SRRM3: variants seen among roughly 807,000 people sequenced by gnomAD.
SRRM3 encodes the protein serine/arginine repetitive matrix 3.
Under a neutral mutation model 66.2 loss-of-function variants are expected in SRRM3, and 27 were observed. That is an observed-to-expected ratio of 0.41 (90% CI 0.30 to 0.56). The LOEUF is 0.56. Ranked by LOEUF, SRRM3 falls within the 20% of genes least tolerant of loss-of-function variation. SRRM3 has a pLI of 0.32. For synonymous variants in SRRM3, 391 were observed against 414.9 expected (o/e 0.94, Z 0.70); for missense variants, 918 against 991.9 (o/e 0.93, Z 1.00).
intron 11 of SRRM3, 75 bp downstream of exon 11, chr7:76,267,510 G>A: frequency 8.6e-7 from 1 of 1,159,716 alleles, no homozygotes; most frequent in Non-Finnish European, 1.1e-6. Flanking sequence ...GTCGCCAGCG[G>A]GGCAGGGGGC....
intron 1 of SRRM3, 29 bp from the exon 2 acceptor site, chr7:76,234,999 C>A: frequency 7.4e-7 from 1 of 1,345,912 alleles, no homozygotes; most frequent in East Asian, 2.6e-5. Flanking sequence ...AAGTGACCAT[C>A]CCGCCTCGTG....
chr7:76,234,084 CT>C (rs1801080415), intron 1 of SRRM3, among the ~76,000 whole-genome samples: 2 of 151,758 alleles, frequency 1.3e-5, no homozygotes, highest in South Asian at 2.1e-4. Flanking sequence ...TCCCACCCCA[CT>C]CCCTGGGAAT....
chr7:76,253,281 G>A (rs1452552165), intron 3 of SRRM3, among the ~76,000 whole-genome samples: 3 of 152,138 alleles, frequency 2.0e-5, no homozygotes, highest in African/African-American at 7.2e-5. Flanking sequence ...GAGTTTGGGA[G>A]TTTGAGACCA....
At chr7:76,271,817 G>C (rs1042560758) in intron 11 of SRRM3, among the ~76,000 whole-genome samples, 2 of 152,198 alleles carry the variant, frequency 1.3e-5, no homozygotes, top group Non-Finnish European at 2.9e-5. Context: ...TCCCCCATCA[G>C]ACCCATCCAG....
rs1802639409 is a variant in SRRM3, at chr7:76,285,487, T to C, written c.1734-128T>C. On this transcript the variant is annotated intron_variant, in intron 14 of 14. Transcript: ENST00000611745. This position sits in a 1 kb window ranked among gnomAD's most constrained non-coding sequence, Gnocchi z 4.1. Reference sequence around the variant, plus strand: ...TGCAAGTAACCAATGACCGTCAGATTCCATTTGGAGAAGGCAGGTGTCTCT... The same window carrying C: ...TGCAAGTAACCAATGACCGTCAGATCCCATTTGGAGAAGGCAGGTGTCTCT... 8 of 696,820 alleles carry C rather than the reference T, an allele frequency of 1.1e-5. No homozygotes were observed. Among genetic ancestry groups the C allele is most frequent in the Non-Finnish European group, 1.9e-5 (8 of 413,724 alleles). 43.2% of individuals were successfully genotyped at this position (696,820 alleles called of 1,614,324 possible).
At chr7:76,265,847 TATATATATATA>T (rs1189814815) in intron 10 of SRRM3, among the ~76,000 whole-genome samples, 1 of 8,462 alleles carries the variant, frequency 1.2e-4, no homozygotes, top group Non-Finnish European at 1.7e-4. Context: ...TATATATATA[TATATATATATA>T]TTTTTTTTTT....
chr7:76,261,659 G>T, intron 8 of SRRM3, 78 bp downstream of exon 8: 1 of 1,480,920 alleles, frequency 6.8e-7, no homozygotes, highest in Non-Finnish European at 9.2e-7. Context: ...ATGGGAGGGG[G>T]TTTTGAGGGT....
intron 11 of SRRM3, among the ~76,000 whole-genome samples, chr7:76,281,208 C>T (rs1802491076): frequency 6.6e-6 from 1 of 151,118 alleles, no homozygotes; most frequent in African/African-American, 2.4e-5. Context: ...TGTCTCTCTT[C>T]ATTCTCTCTC....
chr7:76,227,519 G>C (rs1800904917), intron 1 of SRRM3, among the ~76,000 whole-genome samples: 1 of 152,156 alleles, frequency 6.6e-6, no homozygotes, highest in Non-Finnish European at 1.5e-5. Context: ...TTGAATCCTG[G>C]TTGTCCTCAC....
In SRRM3 at chr7:76,285,626, G is replaced by C; in HGVS notation, c.1745G>C (p.Arg582Pro). The C allele has an allele frequency of 6.5e-7, 1 of 1,550,380 alleles. No homozygotes were observed. Among genetic ancestry groups the C allele is most frequent in the Non-Finnish European group, 8.7e-7 (1 of 1,146,838 alleles). Reference protein sequence around the residue: ...EPRRITSARKRPIPYYRPSPS... With the variant: ...EPRRITSARKPPIPYYRPSPS... Reference sequence around the variant, plus strand: ...TTTCTTCCCGGCAGCGCCCGCAAGCGTCCTATTCCATACTACCGGCCCAGC... The same window carrying C: ...TTTCTTCCCGGCAGCGCCCGCAAGCCTCCTATTCCATACTACCGGCCCAGC... Residue 582 changes from arginine to proline, a missense_variant, in exon 15 of 15, where the codon CGT becomes CCT. Coordinates refer to ENST00000611745, the MANE Select transcript of SRRM3 (RefSeq NM_001110199.3). The surrounding 1 kb of genome is among the most constrained non-coding windows in gnomAD (Gnocchi z 4.1).
At chr7:76,219,225 C>T (rs934236312) in intron 1 of SRRM3, among the ~76,000 whole-genome samples, 9 of 152,206 alleles carry the variant, frequency 5.9e-5, no homozygotes, top group Middle Eastern at 3.2e-3. Context: ...AGTGTCCCCA[C>T]TGTCCTCTGT....
chr7:76,204,786 T>A (rs906954935), intron 1 of SRRM3, among the ~76,000 whole-genome samples: 1 of 151,840 alleles, frequency 6.6e-6, no homozygotes, highest in East Asian at 1.9e-4. Flanking sequence ...AATGATGGGG[T>A]TTAATGCCAG....
In SRRM3 at chr7:76,248,272, C is replaced by G; in HGVS notation, c.318C>G (p.Asp106Glu). The G allele has an allele frequency of 6.2e-7, 1 of 1,613,546 alleles. No homozygotes were observed. Among genetic ancestry groups the G allele is most frequent in the African/African-American group, 1.3e-5 (1 of 74,998 alleles). ...AGGAGGGAGTGCTCACCAGGGAGGA[C>G]CGGCCTGGGGGCCACATGTGAGTGC... ...MEKEGVLTRE[D>E]RPGGHIVAET... Residue 106 changes from aspartate (D) to glutamate (E), a missense_variant, in exon 3 of 15, where the codon GAC (aspartate) becomes GAG (glutamate). Coordinates refer to ENST00000611745, the MANE Select transcript of SRRM3 (RefSeq NM_001110199.3).
chr7:76,261,474 G>A, intron 7 of SRRM3, 60 bp downstream of exon 7: 3 of 1,599,606 alleles, frequency 1.9e-6, no homozygotes, highest in Non-Finnish European at 2.6e-6. Flanking sequence ...CAGGGCCAGG[G>A]CTGTGGCCCT....
chr7:76,225,485 C>T (rs1800840095), intron 1 of SRRM3, among the ~76,000 whole-genome samples: 3 of 151,296 alleles, frequency 2.0e-5, no homozygotes, highest in African/African-American at 7.3e-5. Context: ...CCCCCCGCCC[C>T]TTTCCCCGGC....
chr7:76,276,867 A>C (rs1176980007), intron 11 of SRRM3, among the ~76,000 whole-genome samples: 1 of 152,170 alleles, frequency 6.6e-6, no homozygotes, highest in Non-Finnish European at 1.5e-5. Flanking sequence ...TCCTTCCTGC[A>C]CTGCTCTGAC....
intron 1 of SRRM3, among the ~76,000 whole-genome samples, chr7:76,203,073 C>T (rs1800199823): frequency 6.6e-6 from 1 of 152,230 alleles, no homozygotes; most frequent in African/African-American, 2.4e-5. Flanking sequence ...GAGACGTGCA[C>T]AAGTTCCTCT....
chr7:76,267,495 G>C, intron 11 of SRRM3, 60 bp downstream of exon 11: 1 of 1,235,750 alleles, frequency 8.1e-7, no homozygotes, highest in Non-Finnish European at 1.0e-6. Flanking sequence ...TGCGTGGTCG[G>C]GCGGGTCGCC....
At position 76,230,643 on chromosome 7, in the gene SRRM3, AGGAAG is replaced by A. The variant is rs781858594; in HGVS notation, c.-39-4365_-39-4361del. Among the ~76,000 whole-genome samples, 49 of 151,656 alleles carry A rather than the reference AGGAAG, an allele frequency of 3.2e-4. No individual in the cohort carries two copies. In the East Asian group the frequency reaches 4.3e-3, roughly 13 times the overall value. ...CAGCCTGGGCAACAGATTGAGAGTC[AGGAAG>A]GGAAGGGAAGGGAAGGGAACAGAAG... On this transcript the variant is annotated intron_variant, in intron 1 of 14. Coordinates refer to ENST00000611745, the MANE Select transcript of SRRM3 (RefSeq NM_001110199.3).
Sources: gnomAD v4.1 joint callset for allele counts (sites outside exome capture counted in the v4.1 genomes callset) on GRCh38, gnomAD v4.1.1 for gene constraint, Gnocchi (gnomAD v3.1) non-coding constraint, MANE v1.5 for transcripts, NCBI Gene and HGNC (gene_info 2026-07-23, HGNC 2026-07-21) for gene names.